Variants in GIGYF2 observed in about 807,000 individuals in gnomAD.
The protein encoded by GIGYF2 is GRB10-interacting GYF protein 2.
GIGYF2 carries 25 observed loss-of-function variants against 208.1 expected under a neutral mutation model. The ratio of observed to expected loss-of-function variants is 0.12; its 90% confidence interval spans 0.09 to 0.17. The LOEUF is 0.17. Ranked by LOEUF, GIGYF2 falls within the 10% of genes least tolerant of loss-of-function variation. The pLI is 1.00. For missense variants in GIGYF2, 1,302 were observed against 1,579.4 expected, an observed-to-expected ratio of 0.82 and a Z score of 2.98; for synonymous variants, 534 against 543.8, an observed-to-expected ratio of 0.98 and a Z score of 0.25.
At chr2:232,804,169 C>T (rs908706977) in intron 14 of GIGYF2, among the ~76,000 whole-genome samples, 10 of 151,720 alleles carry the variant, frequency 6.6e-5, no homozygotes, top group African/African-American at 1.9e-4. Context: ...TAATTTTGTC[C>T]GTATTTACTA....
At chr2:232,838,097 A>C (rs1701702090) in intron 22 of GIGYF2, among the ~76,000 whole-genome samples, 1 of 152,158 alleles carries the variant, frequency 6.6e-6, no homozygotes, top group African/African-American at 2.4e-5. Context: ...CTGGGATATT[A>C]TTTCCGATGT....
In GIGYF2 at chr2:232,806,624, C is replaced by T. The variant is rs1271936510; in HGVS notation, c.1773C>T (p.Pro591=). 2 of 1,613,218 alleles carry T rather than the reference C, an allele frequency of 1.2e-6. No individual in the cohort carries two copies. The highest frequency in any genetic ancestry group is 1.1e-5 in the South Asian group (1 of 91,072). The change falls in exon 15 of 29, where the codon CCC becomes CCT. Residue 591 remains proline (P), a synonymous_variant. Coordinates refer to ENST00000373563, the MANE Select transcript of GIGYF2 (RefSeq NM_001103146.3). This position sits in a 1 kb window ranked among gnomAD's most constrained non-coding sequence, Gnocchi z 4.0. The stretch of plus-strand genomic sequence containing the variant: ...TCATGAAAATGTGGGGAAGGGTTCC[C>T]TTTTCTCCAGGTCCAGCTCCCCCTC... The part of the protein sequence containing the change: ...GDIMKMWGRV[P]FSPGPAPPPH...
At chr2:232,772,854 TG>T (rs1426880837) in intron 8 of GIGYF2, among the ~76,000 whole-genome samples, 2 of 152,182 alleles carry the variant, frequency 1.3e-5, no homozygotes, top group Non-Finnish European at 2.9e-5. Context: ...GGTTGTTGCT[TG>T]GGTTTCCTAG....
Position 232,826,569 on chromosome 2 carries a change from A to G in GIGYF2, c.2530-6288A>G, listed in dbSNP as rs113766857. 6.1e-3 allele frequency among the ~76,000 whole-genome samples: 927 copies of G among 152,348 alleles called. 12 individuals are homozygous for G. Among genetic ancestry groups the G allele is most frequent in the African/African-American group, 0.021 (876 of 41,578 alleles). Reference sequence around the variant, plus strand: ...TAATTAAAGAGCTTCTGCACAGCAAAAGAAACTATCATCAGAGTGAACAAG... The same window carrying G: ...TAATTAAAGAGCTTCTGCACAGCAAGAGAAACTATCATCAGAGTGAACAAG... On this transcript the variant is annotated intron_variant, in intron 21 of 28. Transcript: ENST00000373563.
rs147635665 is a variant in GIGYF2 at position 232,848,414 on chromosome 2, T to G, written c.3684+843T>G. ...ACTTTGGGAGGCCGAGACAGGTGGA[T>G]CATGAGGTCAGGAGTTCAAAACCAG... is the stretch of plus-strand genomic sequence containing the variant. On this transcript the variant is annotated intron_variant, in intron 27 of 28. Transcript: ENST00000373563. Among the ~76,000 whole-genome samples the G allele has an allele frequency of 8.7e-3, 1,322 of 152,190 alleles. 27 individuals carry two copies. The highest frequency in any genetic ancestry group is 0.062 in the East Asian group (324 of 5,188).
chr2:232,697,918 T>C (rs1475502346), intron 1 of GIGYF2, among the ~76,000 whole-genome samples: 1 of 152,208 alleles, frequency 6.6e-6, no homozygotes, highest in Non-Finnish European at 1.5e-5. Flanking sequence ...ACAGAGCATC[T>C]GGACGGAGGA....
intron 8 of GIGYF2, among the ~76,000 whole-genome samples, chr2:232,769,879 T>G (rs535387142): frequency 6.6e-6 from 1 of 152,302 alleles, no homozygotes; most frequent in Admixed American, 6.5e-5. Flanking sequence ...AACAGTCTAG[T>G]GGTGGTTTTA....
intron 2 of GIGYF2, among the ~76,000 whole-genome samples, chr2:232,706,686 A>G (rs1696127445): frequency 6.6e-6 from 1 of 152,112 alleles, no homozygotes; most frequent in Non-Finnish European, 1.5e-5. Context: ...GCTGAGACAG[A>G]ACATAATCTC....
chr2:232,765,356 T>G (rs1047580573), intron 8 of GIGYF2: 12 of 152,636 alleles, frequency 7.9e-5, no homozygotes, highest in Non-Finnish European at 1.5e-4. Flanking sequence ...GACATCACAT[T>G]AAGACAGTTC....
chr2:232,757,765 C>A (rs1698604187), intron 6 of GIGYF2, among the ~76,000 whole-genome samples: 2 of 141,570 alleles, frequency 1.4e-5, no homozygotes, highest in South Asian at 2.8e-4. Context: ...AATCTCTGAA[C>A]AGCACCCCCC....
At position 232,794,728 on chromosome 2, in the gene GIGYF2, A is replaced by G. The variant is rs1343859348; in HGVS notation, c.1283-20A>G. ...AGTCTCTGTATTTCAAAGGATTTTC[A>G]TCTGATTTTTTCCCCCTAGAAATGG... On this transcript the variant is annotated intron_variant, in intron 12 of 28. Transcript: ENST00000373563. 5 of 1,596,536 alleles carry G rather than the reference A, an allele frequency of 3.1e-6. No individual in the cohort carries two copies. The highest frequency in any genetic ancestry group is 1.7e-5 in the Admixed American group (1 of 59,956).
Position 232,860,398 on chromosome 2 carries a change from A to G in GIGYF2, c.*3538A>G, listed in dbSNP as rs936338575. 6 of 150,064 alleles carry G rather than the reference A, an allele frequency of 4.0e-5. No homozygotes were observed. The highest frequency in any genetic ancestry group is 2.7e-4 in the Admixed American group (4 of 15,000). The allele number at this position is 150,064 out of a possible 1,614,324, so 9.3% of individuals were successfully genotyped here. A position where few individuals can be genotyped will look rare whatever the true frequency, so the allele number is the denominator to read the frequency against. ...TTTATACATGCATATATTTTTATATATACAAATATGTATATAAAAGTATAT... is the reference window on the plus strand; with the variant it reads ...TTTATACATGCATATATTTTTATATGTACAAATATGTATATAAAAGTATAT... On this transcript the variant is annotated 3_prime_UTR_variant, in exon 29 of 29. Coordinates refer to ENST00000373563, the MANE Select transcript of GIGYF2 (RefSeq NM_001103146.3).
chr2:232,850,389 G>C lies in GIGYF2; in HGVS notation c.3812G>C (p.Arg1271Pro). 1 of 1,614,142 alleles carries C rather than the reference G, an allele frequency of 6.2e-7. No homozygotes were observed. Among genetic ancestry groups the C allele is most frequent in the African/African-American group, 1.3e-5 (1 of 75,040 alleles). The change falls in exon 28 of 29, where the codon CGA (arginine) becomes CCA (proline). Residue 1271 changes from arginine (R) to proline (P), a missense_variant. Arg to Pro is a moderately radical substitution (Grantham distance 103, BLOSUM62 -2). Coordinates refer to ENST00000373563, the MANE Select transcript of GIGYF2 (RefSeq NM_001103146.3). ...GKKKKKQKMV[R>P]ADPSLLGFSV... The stretch of plus-strand genomic sequence containing the variant: ...AAGAAGAAAAAGCAGAAGATGGTCC[G>C]AGCAGATCCCAGTTTATTAGGTGAG...
rs753396855 is a variant in GIGYF2 at position 232,796,238 on chromosome 2, T to C, written c.1639+17T>C. 1.3e-6 allele frequency: 2 copies of C among 1,505,356 alleles called. No homozygotes were observed. The highest frequency in any genetic ancestry group is 2.3e-5 in the South Asian group (2 of 88,836). The allele number at this position is 1,505,356 out of a possible 1,614,324, so 93.2% of individuals were successfully genotyped here. On this transcript the variant is annotated intron_variant, in intron 14 of 28. Transcript: ENST00000373563. Reference sequence around the variant, plus strand: ...AAATTCAAGGCAAGTTGTTCCTTTTTCCTTTAAATACTGAAGTGTGTGCCA... The same window carrying C: ...AAATTCAAGGCAAGTTGTTCCTTTTCCCTTTAAATACTGAAGTGTGTGCCA...
intron 28 of GIGYF2, among the ~76,000 whole-genome samples, chr2:232,856,319 C>T (rs897024371): frequency 3.3e-5 from 5 of 152,176 alleles, no homozygotes; most frequent in Admixed American, 6.5e-5. Context: ...TAAAAAATCT[C>T]TCTCATTGGA....
At chr2:232,768,001 T>C (rs1234673703) in intron 8 of GIGYF2, 2 of 601,116 alleles carry the variant, frequency 3.3e-6, no homozygotes, top group Admixed American at 6.0e-5. Context: ...TAACAAACTT[T>C]GTAATGTAGA....
chr2:232,768,025 A>G, intron 8 of GIGYF2: 1 of 660,774 alleles, frequency 1.5e-6, no homozygotes, highest in East Asian at 2.7e-5. Context: ...TTATGTTTCC[A>G]GAATGTGTAT....
chr2:232,782,967 C>T (rs543911956), intron 8 of GIGYF2, among the ~76,000 whole-genome samples: 1 of 152,236 alleles, frequency 6.6e-6, no homozygotes, highest in African/African-American at 2.4e-5. Flanking sequence ...TGAAAACTGT[C>T]AGTTGTACAT....
At chr2:232,795,829 A>G (rs1700205237) in intron 13 of GIGYF2, among the ~76,000 whole-genome samples, 2 of 152,134 alleles carry the variant, frequency 1.3e-5, no homozygotes, top group South Asian at 4.1e-4. Context: ...TTTGATTAGT[A>G]ATTTTCAGAC....
Sources: gnomAD v4.1 joint callset for allele counts (sites outside exome capture counted in the v4.1 genomes callset) on GRCh38, gnomAD v4.1.1 for gene constraint, Gnocchi (gnomAD v3.1) non-coding constraint, MANE v1.5 for transcripts, NCBI Gene and HGNC (gene_info 2026-07-23, HGNC 2026-07-21) for gene names.